The following DRAP1 variants were observed in gnomAD, a reference collection of about 807,000 sequenced individuals.
DRAP1 encodes DR1 associated protein 1, also known as dr1-associated corepressor.
A neutral mutation model predicts 24.1 loss-of-function variants in DRAP1; 10 were observed. The ratio of observed to expected loss-of-function variants is 0.41; its 90% confidence interval spans 0.26 to 0.70. DRAP1 has a LOEUF of 0.70. Among genes scored for constraint, DRAP1 ranks in the 30% least tolerant of loss-of-function variants. The probability of loss-of-function intolerance (pLI) is 0.29; values close to 1 mark genes in which losing one functional copy is unlikely to be tolerated. For missense variants in DRAP1, 264 were observed against 275.6 expected (o/e 0.96, Z 0.30); for synonymous variants, 122 against 113.8 (o/e 1.07, Z -0.46).
Position 65,920,906 on chromosome 11 carries a change from C to T in DRAP1, c.446C>T (p.Thr149Ile), listed in dbSNP as rs111381779. Residue 149 changes from threonine (T) to isoleucine (I), a missense_variant, in exon 6 of 7, where the codon ACT becomes ATT. Coordinates refer to ENST00000312515, the MANE Select transcript of DRAP1 (RefSeq NM_006442.4). ...EQEDESEDTD[T>I]DGEEETSQPP... is the part of the protein sequence containing the mutation. ...CAGGATGAATCTGAGGACACAGATA[C>T]TGATGGGGAAGAGGAGACATCACAA... 3 of 1,613,398 alleles carry T rather than the reference C, an allele frequency of 1.9e-6. No individual in the cohort carries two copies. Among genetic ancestry groups the T allele is most frequent in the Non-Finnish European group, 2.5e-6 (3 of 1,179,660 alleles).
Position 65,919,439 on chromosome 11 carries a change from G to C in DRAP1, c.-63G>C. 6.7e-7 allele frequency: 1 copy of C among 1,500,994 alleles called. No individual in the cohort carries two copies. Among genetic ancestry groups the C allele is most frequent in the South Asian group, 1.3e-5 (1 of 78,270 alleles). 93.0% of individuals were successfully genotyped at this position (1,500,994 alleles called of 1,614,324 possible). A position where few individuals can be genotyped will look rare whatever the true frequency, so the allele number is the denominator to read the frequency against. On this transcript the variant is annotated 5_prime_UTR_variant, in exon 1 of 7. Transcript: ENST00000312515. The stretch of plus-strand genomic sequence containing the variant: ...ACCGCGACGGGCGGGCGGCGAGCAG[G>C]CCCGGGAGCCGGGAGGCTGCGGGCG...
At chr11:65,921,265 C>T in intron 6 of DRAP1, 65 bp from the exon 7 acceptor site, 8 of 983,920 alleles carry the variant, frequency 8.1e-6, no homozygotes, top group East Asian at 7.3e-5. Context: ...AGGGTCTTGG[C>T]AGCTGCCCCT....
At position 65,921,525 on chromosome 11, in the gene DRAP1, T is replaced by G; in HGVS notation, c.*90T>G. 1 of 505,576 alleles carries G rather than the reference T, an allele frequency of 2.0e-6. No individual in the cohort carries two copies. The allele number at this position is 505,576 out of a possible 1,614,324, so 31.3% of individuals were successfully genotyped here. Reference sequence around the variant, plus strand: ...AAGGTAGAGCTGTTCTTAAATTTATTAAAAAAAAAAATAAAAGGGAATCTC... The same window carrying G: ...AAGGTAGAGCTGTTCTTAAATTTATGAAAAAAAAAAATAAAAGGGAATCTC... On this transcript the variant is annotated 3_prime_UTR_variant, in exon 7 of 7. Coordinates refer to ENST00000312515, the MANE Select transcript of DRAP1 (RefSeq NM_006442.4).
intron 6 of DRAP1, 75 bp from the exon 7 acceptor site, chr11:65,921,255 A>G: frequency 2.2e-6 from 2 of 891,156 alleles, no homozygotes; most frequent in Non-Finnish European, 3.6e-6. Flanking sequence ...TGGGGGAGGG[A>G]GGGTCTTGGC....
In DRAP1 at chr11:65,919,872, C is replaced by A. The variant is rs1854525583; in HGVS notation, c.115+20C>A. ...TCATCTGTATCCTGCCGGGGGCGGA[C>A]CGGGTCGAGGGGCGTGGGGGAGGGA... On this transcript the variant is annotated intron_variant, in intron 2 of 6. Transcript: ENST00000312515. 6.2e-7 allele frequency: 1 copy of A among 1,613,092 alleles called. No homozygotes were observed. Among genetic ancestry groups the A allele is most frequent in the African/African-American group, 1.3e-5 (1 of 74,930 alleles).
Position 65,920,961 on chromosome 11 carries a change from C to A in DRAP1, c.501C>A (p.Ala167=). The change falls in exon 6 of 7, where the codon GCC becomes GCA. Residue 167 remains alanine, a synonymous_variant. Transcript: ENST00000312515. ...QPPPQASHPS[A]HFQSPPTPFL... ...CACCCCAGGCCAGCCACCCCTCTGC[C>A]CACTTTCAGAGGTGAGCAGCCCAGA... 1 of 1,610,688 alleles carries A rather than the reference C, an allele frequency of 6.2e-7. No homozygotes were observed. Among genetic ancestry groups the A allele is most frequent in the Non-Finnish European group, 8.5e-7 (1 of 1,178,174 alleles).
chr11:65,919,888 G>A (rs576908976), intron 2 of DRAP1, 36 bp downstream of exon 2: 5 of 1,613,304 alleles, frequency 3.1e-6, no homozygotes, highest in Admixed American at 3.3e-5. Flanking sequence ...CGAGGGGCGT[G>A]GGGGAGGGAG....
Position 65,921,551 on chromosome 11 carries a change from A to G in DRAP1, c.*116A>G, listed in dbSNP as rs969398978. 5.6e-6 allele frequency: 3 copies of G among 536,566 alleles called. No individual in the cohort carries two copies. The highest frequency in any genetic ancestry group is 1.0e-5 in the Non-Finnish European group (3 of 298,976). The allele number at this position is 536,566 out of a possible 1,614,324, so 33.2% of individuals were successfully genotyped here. A position where few individuals can be genotyped will look rare whatever the true frequency, so the allele number is the denominator to read the frequency against. Reference sequence around the variant, plus strand: ...AAAAAAAAAAATAAAAGGGAATCTCAGTGTCTGTTCCAGGCTCTGCGCAGG... The same window carrying G: ...AAAAAAAAAAATAAAAGGGAATCTCGGTGTCTGTTCCAGGCTCTGCGCAGG... On this transcript the variant is annotated 3_prime_UTR_variant, in exon 7 of 7. Transcript: ENST00000312515.
chr11:65,919,886 G>T, intron 2 of DRAP1, 34 bp downstream of exon 2: 1 of 1,613,342 alleles, frequency 6.2e-7, no homozygotes, highest in South Asian at 1.1e-5. Context: ...GTCGAGGGGC[G>T]TGGGGGAGGG....
Position 65,920,059 on chromosome 11 carries a change from G to T in DRAP1, c.209+18G>T. On this transcript the variant is annotated intron_variant, in intron 3 of 6. Transcript: ENST00000312515. Reference sequence around the variant, plus strand: ...TCCCACCTGTGAGCGGCGAGGAGCCGGGAGGGGCCGGCGGGTTTGGCGCGG... The same window carrying T: ...TCCCACCTGTGAGCGGCGAGGAGCCTGGAGGGGCCGGCGGGTTTGGCGCGG... The T allele has an allele frequency of 6.2e-7, 1 of 1,610,552 alleles. No homozygotes were observed. Among genetic ancestry groups the T allele is most frequent in the Non-Finnish European group, 8.5e-7 (1 of 1,178,546 alleles).
In DRAP1 at chr11:65,920,634, A is replaced by G; in HGVS notation, c.395A>G (p.Lys132Arg). The stretch of plus-strand genomic sequence containing the variant: ...ATGGGAACGAAAAGCAAGGACAAGA[A>G]GCTGTCCGGGACAGACTCGGAGCAG... The part of the protein sequence containing the change: ...GGMGTKSKDK[K>R]LSGTDSEQED... Residue 132 changes from lysine to arginine, a missense_variant, in exon 5 of 7, where the codon AAG (lysine) becomes AGG (arginine). Physicochemically the swap from Lys to Arg is conservative, Grantham distance 26. Coordinates refer to ENST00000312515, the MANE Select transcript of DRAP1 (RefSeq NM_006442.4). 6.6e-7 allele frequency: 1 copy of G among 1,525,794 alleles called. No individual in the cohort carries two copies. The highest frequency in any genetic ancestry group is 8.8e-7 in the Non-Finnish European group (1 of 1,134,200). The allele number at this position is 1,525,794 out of a possible 1,614,324, so 94.5% of individuals were successfully genotyped here.
intron 1 of DRAP1, 101 bp downstream of exon 1, chr11:65,919,644 TG>T: frequency 6.6e-7 from 1 of 1,525,400 alleles, no homozygotes; most frequent in Non-Finnish European, 8.8e-7. Context: ...TTCGGGGGCC[TG>T]GACGCCCCGC....
rs775785478 is a variant in DRAP1 at position 65,921,426 on chromosome 11, C to T, written c.609C>T (p.Tyr203=). 1.9e-5 allele frequency: 30 copies of T among 1,598,270 alleles called. No individual in the cohort carries two copies. Among genetic ancestry groups the T allele is most frequent in the African/African-American group, 1.2e-4 (9 of 74,618 alleles). ...SAPDEEDEED[Y]DS ...CTGATGAAGAGGACGAAGAAGATTA[C>T]GACTCCTAGCGCCTTCTGCCCCCCA... Residue 203 remains tyrosine (Y), a synonymous_variant, in exon 7 of 7, where the codon TAC becomes TAT. Coordinates refer to ENST00000312515, the MANE Select transcript of DRAP1 (RefSeq NM_006442.4).
chr11:65,920,283 C>T, intron 3 of DRAP1, 60 bp from the exon 4 acceptor site: 2 of 1,607,430 alleles, frequency 1.2e-6, no homozygotes, highest in Non-Finnish European at 1.7e-6. Context: ...TGCTGCCACC[C>T]ACTGCGGGTT....
At chr11:65,920,761 C>G in intron 5 of DRAP1, 99 bp downstream of exon 5, 1 of 1,444,494 alleles carries the variant, frequency 6.9e-7, no homozygotes, top group Non-Finnish European at 9.3e-7. Context: ...TCCTTTTCTG[C>G]AACCTGTTTG....
chr11:65,920,946 C>T lies in DRAP1; in HGVS notation c.486C>T (p.Ala162=). ...AGACATCACAACCCCCACCCCAGGC[C>T]AGCCACCCCTCTGCCCACTTTCAGA... ...EEETSQPPPQ[A]SHPSAHFQSP... Residue 162 remains alanine, a synonymous_variant, in exon 6 of 7, where the codon GCC becomes GCT. Coordinates refer to ENST00000312515, the MANE Select transcript of DRAP1 (RefSeq NM_006442.4). The T allele has an allele frequency of 6.2e-7, 1 of 1,612,902 alleles. No homozygotes were observed. Among genetic ancestry groups the T allele is most frequent in the Non-Finnish European group, 8.5e-7 (1 of 1,179,392 alleles).
intron 1 of DRAP1, 24 bp downstream of exon 1, chr11:65,919,567 A>C: frequency 1.3e-6 from 2 of 1,548,308 alleles, no homozygotes; most frequent in Non-Finnish European, 1.7e-6. Context: ...AGAGCCCGGC[A>C]GGAGTGGGCC....
intron 3 of DRAP1, 31 bp from the exon 4 acceptor site, chr11:65,920,312 T>C (rs953319326): frequency 6.2e-7 from 1 of 1,613,374 alleles, no homozygotes; most frequent in Admixed American, 1.7e-5. Flanking sequence ...TGGGCCCCTC[T>C]TGAGTGCCAG....
In DRAP1 at chr11:65,919,466, C is replaced by T. The variant is rs990607321; in HGVS notation, c.-36C>T. 7.9e-6 allele frequency: 12 copies of T among 1,516,108 alleles called. No individual in the cohort carries two copies. In the Admixed American group the frequency reaches 8.5e-5, roughly 11 times the overall value. 93.9% of individuals were successfully genotyped at this position (1,516,108 alleles called of 1,614,324 possible). On this transcript the variant is annotated 5_prime_UTR_variant, in exon 1 of 7. Transcript: ENST00000312515. ...CCGGGAGCCGGGAGGCTGCGGGCGG[C>T]GGCGCTGGACCCGACGCGGCGAGAG...
Sources: allele counts gnomAD v4.1 joint callset, GRCh38; gene constraint gnomAD v4.1.1; transcripts MANE v1.5; gene names NCBI Gene and HGNC (gene_info 2026-07-23, HGNC 2026-07-21).